The following NDFIP1 variants were observed in gnomAD, a reference collection of about 807,000 sequenced individuals.
NDFIP1 encodes the protein Nedd4 family interacting protein 1, also known as NEDD4 family-interacting protein 1.
NDFIP1 carries 7 observed loss-of-function variants against 28.8 expected under a neutral mutation model. The observed-to-expected ratio is 0.24, with a 90% CI of 0.14 to 0.46. The LOEUF (loss-of-function observed/expected upper bound fraction) is 0.46, where lower values mean the gene tolerates loss of function less well. NDFIP1 is among the 20% of genes least tolerant of loss of function. The pLI is 0.99. For synonymous variants in NDFIP1, 92 were observed against 101.0 expected, an observed-to-expected ratio of 0.91 and a Z score of 0.53; for missense variants, 194 against 269.1, an observed-to-expected ratio of 0.72 and a Z score of 1.95.
In NDFIP1 at chr5:142,123,830, CCTT is replaced by C. The variant is rs143814543; in HGVS notation, c.64-7975_64-7973del. 2.8e-3 allele frequency among the ~76,000 whole-genome samples: 425 copies of C among 152,204 alleles called. 5 individuals carry two copies. Among genetic ancestry groups the C allele is most frequent in the African/African-American group, 9.8e-3 (409 of 41,534 alleles). The stretch of plus-strand genomic sequence containing the variant: ...CTTGTCTTTCTCTAGGGCTTTAAAT[CCTT>C]CTCAAATGGGCCCTGGAGCTCTGAG... On this transcript the variant is annotated intron_variant, in intron 1 of 7. Transcript: ENST00000253814.
intron 6 of NDFIP1, 101 bp from the exon 7 acceptor site, chr5:142,144,470 C>G: frequency 1.2e-6 from 1 of 837,278 alleles, no homozygotes; most frequent in African/African-American, 1.7e-5. Flanking sequence ...TTACCTTTAG[C>G]AGAAAAATAA....
intron 7 of NDFIP1, among the ~76,000 whole-genome samples, chr5:142,151,065 G>A (rs189021963): frequency 1.4e-4 from 22 of 152,284 alleles, no homozygotes; most frequent in Admixed American, 1.3e-3. Context: ...AGTAAAATGC[G>A]TAGGCATTAT....
At chr5:142,138,817 C>T (rs539718534) in intron 5 of NDFIP1, among the ~76,000 whole-genome samples, 112 of 151,650 alleles carry the variant, frequency 7.4e-4, no homozygotes, top group Non-Finnish European at 1.1e-3. Flanking sequence ...TTTTACTTTT[C>T]GAACTACATT....
chr5:142,129,608 G>A (rs569508524), intron 1 of NDFIP1, among the ~76,000 whole-genome samples: 1 of 152,244 alleles, frequency 6.6e-6, no homozygotes, highest in South Asian at 2.1e-4. Flanking sequence ...CATAGTGAGT[G>A]GAGATTGAGA....
intron 6 of NDFIP1, chr5:142,142,940 A>AAAAAATATATAT (rs60076432): frequency 2.6e-5 from 1 of 38,158 alleles, no homozygotes; most frequent in African/African-American, 1.3e-4. Flanking sequence ...AAAAAAAAAA[A>AAAAAATATATAT]ATATATATAT....
Position 142,116,153 on chromosome 5 carries a change from A to G in NDFIP1, c.63+7116A>G, listed in dbSNP as rs182949089. 5.6e-4 allele frequency among the ~76,000 whole-genome samples: 85 copies of G among 152,242 alleles called. No homozygotes were observed. In the East Asian group the frequency reaches 0.015, roughly 28 times the overall value. ...GTGGTAGTAAAGCAAGTGTAACTTG[A>G]TATCACTTAGCACATCCTGCTGTTA... On this transcript the variant is annotated intron_variant, in intron 1 of 7. Transcript: ENST00000253814.
rs192604509 is a variant in NDFIP1 at position 142,129,482 on chromosome 5, C to T, written c.64-2326C>T. 2.1e-3 allele frequency among the ~76,000 whole-genome samples: 321 copies of T among 152,040 alleles called. 4 individuals carry two copies. Among genetic ancestry groups the T allele is most frequent in the Middle Eastern group, 0.01 (3 of 292 alleles). ...AGTTTAACATTAGATTACTAGGATT[C>T]GAAAAAATGTACCCAGATGGTAGAT... is the stretch of plus-strand genomic sequence containing the variant. On this transcript the variant is annotated intron_variant, in intron 1 of 7. Transcript: ENST00000253814.
At chr5:142,114,282 A>G (rs964740381) in intron 1 of NDFIP1, among the ~76,000 whole-genome samples, 2 of 151,956 alleles carry the variant, frequency 1.3e-5, no homozygotes, top group African/African-American at 4.8e-5. Flanking sequence ...GTGGTATCTC[A>G]TTGCAGTATT....
intron 6 of NDFIP1, among the ~76,000 whole-genome samples, chr5:142,142,157 A>G (rs1405380877): frequency 6.6e-6 from 1 of 152,058 alleles, no homozygotes; most frequent in African/African-American, 2.4e-5. Flanking sequence ...AAAACAGTTC[A>G]GGACCTGTTT....
intron 1 of NDFIP1, among the ~76,000 whole-genome samples, chr5:142,117,818 T>A (rs1478697608): frequency 6.7e-6 from 1 of 149,604 alleles, no homozygotes; most frequent in African/African-American, 2.5e-5. Flanking sequence ...ACCCTCCATC[T>A]TCAGGCTTTC....
intron 1 of NDFIP1, among the ~76,000 whole-genome samples, chr5:142,110,581 T>C (rs771031776): frequency 1.3e-5 from 2 of 152,168 alleles, no homozygotes; most frequent in African/African-American, 4.8e-5. Context: ...CATTTAATAT[T>C]TTTTAATTAT....
Position 142,134,412 on chromosome 5 carries a change from T to C in NDFIP1, c.283-1318T>C, listed in dbSNP as rs1315614994. On this transcript the variant is annotated intron_variant, in intron 3 of 7. Coordinates refer to ENST00000253814, the MANE Select transcript of NDFIP1 (RefSeq NM_030571.4). Reference sequence around the variant, plus strand: ...TTATTCTGCTGATACGAAGTAAGAATACTAGGTATTTAATGTTTTAAAAAA... The same window carrying C: ...TTATTCTGCTGATACGAAGTAAGAACACTAGGTATTTAATGTTTTAAAAAA... Among the ~76,000 whole-genome samples the C allele has an allele frequency of 3.3e-5, 5 of 152,356 alleles. No individual in the cohort carries two copies. The East Asian group carries it at 9.6e-4, about 29-fold the overall frequency.
At chr5:142,136,223 G>A (rs919340982) in intron 4 of NDFIP1, among the ~76,000 whole-genome samples, 5 of 152,026 alleles carry the variant, frequency 3.3e-5, no homozygotes, top group Non-Finnish European at 7.4e-5. Flanking sequence ...CTCCCTTCAT[G>A]TTACTTGCCA....
intron 1 of NDFIP1, among the ~76,000 whole-genome samples, chr5:142,119,572 A>G (rs759687348): frequency 2.6e-5 from 4 of 152,166 alleles, no homozygotes; most frequent in Admixed American, 1.3e-4. Context: ...TCTTTGTGCT[A>G]TCAAGTTCTA....
chr5:142,113,771 C>T (rs144640913), intron 1 of NDFIP1, among the ~76,000 whole-genome samples: 4 of 152,248 alleles, frequency 2.6e-5, no homozygotes, highest in African/African-American at 7.2e-5. Context: ...ATTTGACTAC[C>T]GTAGGTACCT....
At chr5:142,121,789 T>C (rs1217419855) in intron 1 of NDFIP1, among the ~76,000 whole-genome samples, 1 of 152,244 alleles carries the variant, frequency 6.6e-6, no homozygotes, top group Admixed American at 6.5e-5. Context: ...ATGAATACTT[T>C]TCATAGATGC....
chr5:142,127,358 G>A (rs1325810525), intron 1 of NDFIP1, among the ~76,000 whole-genome samples: 1 of 152,124 alleles, frequency 6.6e-6, no homozygotes, highest in African/African-American at 2.4e-5. Context: ...TAAAATTGAA[G>A]GTCATCAAGG....
At chr5:142,133,403 A>G (rs1757244818) in intron 3 of NDFIP1, among the ~76,000 whole-genome samples, 2 of 152,220 alleles carry the variant, frequency 1.3e-5, no homozygotes, top group Admixed American at 6.5e-5. Context: ...ATTGTTTCCA[A>G]TCTTCATAGT....
rs1298390661 is a variant in NDFIP1, at chr5:142,140,553, T to C, written c.496-10T>C. ...TAAGCTGCTATAAAGTGTTTTGCCT[T>C]ATTTTTTAGTTTTCCACCTATTTCC... is the stretch of plus-strand genomic sequence containing the variant. On this transcript the variant is annotated splice_polypyrimidine_tract_variant and intron_variant, in intron 5 of 7. Transcript: ENST00000253814. 5.6e-6 allele frequency: 9 copies of C among 1,607,932 alleles called. No individual in the cohort carries two copies. Among genetic ancestry groups the C allele is most frequent in the Non-Finnish European group, 7.6e-6 (9 of 1,177,250 alleles).
Sources: allele counts gnomAD v4.1 joint callset (sites outside exome capture counted in the v4.1 genomes callset), GRCh38; gene constraint gnomAD v4.1.1; transcripts MANE v1.5; gene names NCBI Gene and HGNC (gene_info 2026-07-23, HGNC 2026-07-21).